Variants in SYNE2 observed in about 807,000 individuals in gnomAD.
SYNE2 encodes the protein spectrin repeat containing nuclear envelope protein 2, also known as nesprin-2.
A neutral mutation model predicts 856.3 loss-of-function variants in SYNE2; 431 were observed. The ratio of observed to expected loss-of-function variants is 0.50; its 90% CI spans 0.47 to 0.55. The LOEUF is 0.55. Among genes scored for constraint, SYNE2 ranks in the 20% least tolerant of loss-of-function variants. SYNE2 has a pLI of 0.00. For missense variants in SYNE2, 8,129 were observed against 8,023.2 expected, an observed-to-expected ratio of 1.01 and a Z score of -0.50; for synonymous variants, 2,923 against 2,872.3, an observed-to-expected ratio of 1.02 and a Z score of -0.56.
intron 1 of SYNE2, among the ~76,000 whole-genome samples, chr14:63,870,274 A>G (rs1207848464): frequency 1.3e-5 from 2 of 151,518 alleles, no homozygotes; most frequent in Admixed American, 1.3e-4. Context: ...AGGCCTGGCA[A>G]TACACCCTCA....
At chr14:63,854,843 C>T (rs931332600) in intron 1 of SYNE2, among the ~76,000 whole-genome samples, 23 of 152,168 alleles carry the variant, frequency 1.5e-4, no homozygotes, top group Non-Finnish European at 1.8e-4. Flanking sequence ...CTGAGTAGTG[C>T]TCTCACTAGC....
chr14:63,961,143 C>G (rs990656138), intron 8 of SYNE2, among the ~76,000 whole-genome samples: 6 of 152,234 alleles, frequency 3.9e-5, no homozygotes, highest in Admixed American at 2.0e-4. Flanking sequence ...ATTCTAATTG[C>G]TGTATGTTCC....
chr14:63,848,024 T>C, upstream of SYNE2, among the ~76,000 whole-genome samples: 1 of 152,144 alleles, frequency 6.6e-6, no homozygotes, highest in East Asian at 1.9e-4. Flanking sequence ...GTAGCTGGGA[T>C]TACAGGCGCT....
At position 64,212,029 on chromosome 14, in the gene SYNE2, G is replaced by T; in HGVS notation, c.18792G>T (p.Met6264Ile). Reference sequence around the variant, plus strand: ...GCATTCTGGTGTGGCTCACAGAGATGGACCTGCAGCTGACCAACGTGGAGC... The same window carrying T: ...GCATTCTGGTGTGGCTCACAGAGATTGACCTGCAGCTGACCAACGTGGAGC... The part of the protein sequence containing the change: ...RESILVWLTE[M>I]DLQLTNVEHF... Residue 6264 changes from methionine to isoleucine, a missense_variant, in exon 104 of 116, where the codon ATG becomes ATT. Coordinates refer to ENST00000555002, the MANE Select transcript of SYNE2 (RefSeq NM_182914.3). The T allele has an allele frequency of 6.2e-7, 1 of 1,614,218 alleles. No homozygotes were observed. Among genetic ancestry groups the T allele is most frequent in the South Asian group, 1.1e-5 (1 of 91,084 alleles).
At chr14:64,007,254 G>A in intron 31 of SYNE2, 32 bp downstream of exon 31, 1 of 1,604,804 alleles carries the variant, frequency 6.2e-7, no homozygotes, top group South Asian at 1.1e-5. Context: ...TCTTGAATCT[G>A]AAAAATTGTC....
chr14:63,872,830 C>T (rs2094619517), intron 1 of SYNE2, among the ~76,000 whole-genome samples: 1 of 149,542 alleles, frequency 6.7e-6, no homozygotes, highest in South Asian at 2.1e-4. Flanking sequence ...GCACATTCTT[C>T]TGCAAGTTGC....
chr14:64,158,088 C>A (rs891593886), intron 85 of SYNE2, among the ~76,000 whole-genome samples: 2 of 152,162 alleles, frequency 1.3e-5, no homozygotes, highest in Non-Finnish European at 2.9e-5. Context: ...TTTGCACTTG[C>A]CCATCATTTT....
At chr14:63,795,158 T>C (rs1887875372) in intron 1 of SYNE2, among the ~76,000 whole-genome samples, 1 of 152,184 alleles carries the variant, frequency 6.6e-6, no homozygotes, top group Non-Finnish European at 1.5e-5. Context: ...TGCAAAGTAT[T>C]GATCCTGGGT....
At chr14:64,177,321 CA>C (rs1304948320) in intron 95 of SYNE2, 36 bp from the exon 96 acceptor site, 11 of 1,613,126 alleles carry the variant, frequency 6.8e-6, no homozygotes, top group Admixed American at 5.0e-5. Context: ...TTCTAAAGAG[CA>C]AAATACTTAC....
intron 99 of SYNE2, among the ~76,000 whole-genome samples, chr14:64,191,804 T>C (rs566419593): frequency 2.0e-5 from 3 of 152,238 alleles, no homozygotes; most frequent in African/African-American, 4.8e-5. Context: ...AAATGCATGA[T>C]GGAAACCTAA....
chr14:63,922,453 C>T (rs558064398), intron 2 of SYNE2, among the ~76,000 whole-genome samples: 33 of 152,252 alleles, frequency 2.2e-4, no homozygotes, highest in African/African-American at 6.7e-4. Context: ...CACTTATTCC[C>T]GGGCCTGACT....
At chr14:63,971,381 G>A (rs974349980) in intron 11 of SYNE2, among the ~76,000 whole-genome samples, 4 of 152,036 alleles carry the variant, frequency 2.6e-5, no homozygotes, top group African/African-American at 9.7e-5. Flanking sequence ...CTACTGAAGT[G>A]CTGGGATTAC....
At chr14:64,144,884 C>T (rs1296901730) in intron 83 of SYNE2, among the ~76,000 whole-genome samples, 1 of 149,280 alleles carries the variant, frequency 6.7e-6, no homozygotes, top group East Asian at 2.0e-4. Context: ...AATAGTTCAT[C>T]GAATTATACT....
At chr14:64,098,963 C>G (rs1229593248) in intron 63 of SYNE2, 142 bp downstream of exon 63, 6 of 819,612 alleles carry the variant, frequency 7.3e-6, no homozygotes, top group African/African-American at 3.4e-5. Context: ...AAGTAGTTCT[C>G]TTATGTTATT....
chr14:64,059,100 A>G (rs2097296114), intron 49 of SYNE2, among the ~76,000 whole-genome samples: 1 of 152,112 alleles, frequency 6.6e-6, no homozygotes, highest in Non-Finnish European at 1.5e-5. Flanking sequence ...ATTTTCCTCA[A>G]AACAGCTATT....
chr14:63,885,174 A>C (rs2094954384), intron 1 of SYNE2, among the ~76,000 whole-genome samples: 1 of 152,198 alleles, frequency 6.6e-6, no homozygotes, highest in Non-Finnish European at 1.5e-5. Flanking sequence ...AGATTGAGCC[A>C]TCTAGGCCCA....
At chr14:64,215,060 C>T (rs1185081558) in intron 106 of SYNE2, among the ~76,000 whole-genome samples, 1 of 152,086 alleles carries the variant, frequency 6.6e-6, no homozygotes, top group African/African-American at 2.4e-5. Flanking sequence ...TTGAGTTTCT[C>T]AGAGTGTCTG....
chr14:63,854,522 A>C (rs925653296), intron 1 of SYNE2, among the ~76,000 whole-genome samples: 1 of 152,244 alleles, frequency 6.6e-6, no homozygotes, highest in Non-Finnish European at 1.5e-5. Context: ...TAGCCCGGCC[A>C]GCCCCCTGGG....
At chr14:63,912,849 G>C (rs1370118562) in intron 2 of SYNE2, among the ~76,000 whole-genome samples, 1 of 152,224 alleles carries the variant, frequency 6.6e-6, no homozygotes, top group Non-Finnish European at 1.5e-5. Context: ...AGAGCAGGAC[G>C]ATAAGCAAGT....
Sources: allele counts gnomAD v4.1 joint callset (sites outside exome capture counted in the v4.1 genomes callset), GRCh38; gene constraint gnomAD v4.1.1; transcripts MANE v1.5; gene names NCBI Gene and HGNC (gene_info 2026-07-23, HGNC 2026-07-21).